MBOAT2: variants seen among roughly 807,000 people sequenced by gnomAD.
MBOAT2 encodes membrane bound glycerophospholipid O-acyltransferase 2.
In MBOAT2, 28 loss-of-function variants were observed where a neutral mutation model predicts 63.4. The ratio of observed to expected loss-of-function variants is 0.44; its 90% CI spans 0.33 to 0.61. The LOEUF is 0.61. MBOAT2 is among the 20% of genes least tolerant of loss of function. The probability of loss-of-function intolerance (pLI) is 0.03; values close to 1 mark genes in which losing one functional copy is unlikely to be tolerated. For synonymous variants in MBOAT2, 211 were observed against 215.6 expected (o/e 0.98, Z 0.19); for missense variants, 470 against 605.8 (o/e 0.78, Z 2.35).
At chr2:8,900,229 T>C (rs1276304838) in intron 4 of MBOAT2, among the ~76,000 whole-genome samples, 15 of 152,254 alleles carry the variant, frequency 9.9e-5, no homozygotes. Flanking sequence ...TGGGGATGGC[T>C]TGCTGACCAG....
intron 12 of MBOAT2, among the ~76,000 whole-genome samples, chr2:8,859,578 G>A (rs1488112839): frequency 6.6e-6 from 1 of 152,162 alleles, no homozygotes; most frequent in South Asian, 2.1e-4. Context: ...TTGTTAAAAT[G>A]GAAACTGTAG....
At chr2:8,937,602 G>A (rs534556915) in intron 3 of MBOAT2, among the ~76,000 whole-genome samples, 1 of 152,190 alleles carries the variant, frequency 6.6e-6, no homozygotes, top group Non-Finnish European at 1.5e-5. Context: ...GATGTAATAC[G>A]GTGAAATCTG....
intron 1 of MBOAT2, among the ~76,000 whole-genome samples, chr2:8,984,010 A>G (rs1374432849): frequency 1.3e-5 from 2 of 152,342 alleles, no homozygotes; most frequent in East Asian, 3.9e-4. Flanking sequence ...TTTCAATCAC[A>G]TGGAAATTAA....
chr2:8,993,409 G>C (rs1335793015), intron 1 of MBOAT2, among the ~76,000 whole-genome samples: 1 of 152,222 alleles, frequency 6.6e-6, no homozygotes, highest in African/African-American at 2.4e-5. Context: ...GCACAGACCA[G>C]CTGCAAGAGA....
At chr2:8,916,077 A>G (rs1211669134) in intron 3 of MBOAT2, among the ~76,000 whole-genome samples, 2 of 152,220 alleles carry the variant, frequency 1.3e-5, no homozygotes, top group African/African-American at 2.4e-5. Flanking sequence ...TGGCACGTCT[A>G]CATGTGCAGG....
chr2:8,886,500 T>A (rs1285459012), intron 5 of MBOAT2, among the ~76,000 whole-genome samples: 2 of 152,118 alleles, frequency 1.3e-5, no homozygotes, highest in East Asian at 3.9e-4. Flanking sequence ...CCCTTGGGAA[T>A]AAAGGGGTAG....
intron 3 of MBOAT2, among the ~76,000 whole-genome samples, chr2:8,922,836 G>T (rs761349326): frequency 6.6e-6 from 1 of 152,200 alleles, no homozygotes; most frequent in Non-Finnish European, 1.5e-5. Context: ...AGATCTCCCT[G>T]TTATATGATG....
At position 8,903,214 on chromosome 2, in the gene MBOAT2, C is replaced by T. The variant is rs146990981; in HGVS notation, c.395+5407G>A. Among the ~76,000 whole-genome samples, 155 of 152,268 alleles carry T rather than the reference C, an allele frequency of 1.0e-3. 5 individuals are homozygous for T. In the South Asian group the frequency reaches 0.02, roughly 19 times the overall value. ...CTTGACAGAAAAGTTCTCCAAGTCC[C>T]CACCCGACCCAGAAGCCCAGCTGGC... is the stretch of plus-strand genomic sequence containing the variant. On this transcript the variant is annotated intron_variant, in intron 4 of 12. Transcript: ENST00000305997.
At chr2:8,924,408 G>A (rs1666796344) in intron 3 of MBOAT2, among the ~76,000 whole-genome samples, 1 of 152,138 alleles carries the variant, frequency 6.6e-6, no homozygotes, top group African/African-American at 2.4e-5. Flanking sequence ...AAACTCTGCT[G>A]TTCTACGAAG....
At chr2:8,945,430 A>T (rs914759564) in intron 2 of MBOAT2, among the ~76,000 whole-genome samples, 2 of 152,248 alleles carry the variant, frequency 1.3e-5, no homozygotes, top group Non-Finnish European at 2.9e-5. Context: ...ATACATTAAA[A>T]GCGTTGATGG....
intron 1 of MBOAT2, among the ~76,000 whole-genome samples, chr2:8,977,172 T>C (rs1205469994): frequency 2.6e-5 from 4 of 152,118 alleles, no homozygotes; most frequent in Admixed American, 6.5e-5. Context: ...TTTTACACTT[T>C]TACTATGTAC....
intron 1 of MBOAT2, among the ~76,000 whole-genome samples, chr2:8,971,188 C>A (rs946370259): frequency 1.3e-5 from 2 of 152,196 alleles, no homozygotes; most frequent in African/African-American, 4.8e-5. Flanking sequence ...GGGCTTCAAC[C>A]CTGGGATGCA....
intron 1 of MBOAT2, among the ~76,000 whole-genome samples, chr2:8,980,976 A>G (rs1161354346): frequency 6.6e-6 from 1 of 152,240 alleles, no homozygotes; most frequent in Non-Finnish European, 1.5e-5. Flanking sequence ...AGATGCATAA[A>G]TAAAATGTGG....
chr2:8,918,923 C>T (rs1666379649), intron 3 of MBOAT2, among the ~76,000 whole-genome samples: 1 of 152,012 alleles, frequency 6.6e-6, no homozygotes, highest in African/African-American at 2.4e-5. Flanking sequence ...CCTAATTGTA[C>T]CCTCAACCCT....
intron 1 of MBOAT2, among the ~76,000 whole-genome samples, chr2:8,995,590 A>AT (rs34038834): frequency 0.16 from 21,256 of 134,370 alleles, 3,420 homozygotes; most frequent in African/African-American, 0.4. Flanking sequence ...AATACATTCC[A>AT]TTTTTTTTTT....
chr2:8,954,829 C>A (rs1669097110), intron 2 of MBOAT2, among the ~76,000 whole-genome samples: 1 of 152,138 alleles, frequency 6.6e-6, no homozygotes, highest in African/African-American at 2.4e-5. Flanking sequence ...CTGGTCCAGG[C>A]AAACAGGTGC....
At chr2:8,999,234 T>C (rs1368172405) in intron 1 of MBOAT2, among the ~76,000 whole-genome samples, 3 of 152,248 alleles carry the variant, frequency 2.0e-5, no homozygotes, top group African/African-American at 7.2e-5. Flanking sequence ...CAGGCCAGCT[T>C]CATCCCTAAC....
At chr2:8,870,744 T>C (rs1329872851) in intron 8 of MBOAT2, among the ~76,000 whole-genome samples, 2 of 152,204 alleles carry the variant, frequency 1.3e-5, no homozygotes, top group Non-Finnish European at 2.9e-5. Flanking sequence ...AATAACTTTA[T>C]TGCCTTACAG....
intron 3 of MBOAT2, among the ~76,000 whole-genome samples, chr2:8,913,037 C>G (rs1188194253): frequency 6.6e-6 from 1 of 152,014 alleles, no homozygotes; most frequent in Admixed American, 6.6e-5. Context: ...TAAATAAACC[C>G]AAATACTTAC....
Sources: gnomAD v4.1 joint callset for allele counts (sites outside exome capture counted in the v4.1 genomes callset) on GRCh38, gnomAD v4.1.1 for gene constraint, MANE v1.5 for transcripts, NCBI Gene and HGNC (gene_info 2026-07-23, HGNC 2026-07-21) for gene names.